Variants in BBS9 observed in about 807,000 individuals in gnomAD.
BBS9 encodes Bardet-Biedl syndrome 9, also known as protein PTHB1.
In BBS9, 89 loss-of-function variants were observed where a neutral mutation model predicts 117.7. That is an observed-to-expected ratio of 0.76 (90% CI 0.64 to 0.90). The LOEUF (loss-of-function observed/expected upper bound fraction) is 0.90, where lower values mean the gene tolerates loss of function less well. Among genes scored for constraint, BBS9 ranks in the 40% least tolerant of loss-of-function variants. The pLI is 0.00. For missense variants in BBS9, 982 were observed against 1,042.2 expected (o/e 0.94, Z 0.80); for synonymous variants, 379 against 370.9 (o/e 1.02, Z -0.25).
At chr7:33,462,002 G>C (rs1019560455) in intron 19 of BBS9, among the ~76,000 whole-genome samples, 1 of 152,070 alleles carries the variant, frequency 6.6e-6, no homozygotes, top group Non-Finnish European at 1.5e-5. Flanking sequence ...ATCTAAGGTC[G>C]TTTTAATTTC....
chr7:33,178,573 C>A (rs1032203964), intron 5 of BBS9, among the ~76,000 whole-genome samples: 3 of 152,096 alleles, frequency 2.0e-5, no homozygotes, highest in Non-Finnish European at 2.9e-5. Flanking sequence ...GTGACACTTA[C>A]CTGTGTGATT....
chr7:33,150,484 G>C (rs141173955), intron 2 of BBS9, among the ~76,000 whole-genome samples: 1 of 152,152 alleles, frequency 6.6e-6, no homozygotes, highest in African/African-American at 2.4e-5. Flanking sequence ...ACAATGTAAA[G>C]TGATACTTAA....
At chr7:33,376,062 G>T (rs939564803) in intron 17 of BBS9, among the ~76,000 whole-genome samples, 6 of 151,998 alleles carry the variant, frequency 3.9e-5, no homozygotes, top group African/African-American at 1.5e-4. Flanking sequence ...AGGGGTACAT[G>T]TGCAGGTTTG....
intron 21 of BBS9, among the ~76,000 whole-genome samples, chr7:33,571,048 A>G (rs1431263260): frequency 6.6e-6 from 1 of 152,204 alleles, no homozygotes; most frequent in Admixed American, 6.5e-5. Flanking sequence ...AGCTAACGAT[A>G]TAATACCAAT....
intron 4 of BBS9, among the ~76,000 whole-genome samples, chr7:33,165,402 T>C (rs1272633896): frequency 6.6e-6 from 1 of 152,214 alleles, no homozygotes; most frequent in African/African-American, 2.4e-5. Context: ...GAAGTTCTCC[T>C]GGATAATATC....
intron 17 of BBS9, among the ~76,000 whole-genome samples, chr7:33,376,767 T>G (rs1823976716): frequency 6.6e-6 from 1 of 152,232 alleles, no homozygotes; most frequent in African/African-American, 2.4e-5. Context: ...TATCTCATTT[T>G]GGCTTTGACT....
intron 19 of BBS9, among the ~76,000 whole-genome samples, chr7:33,458,488 T>C (rs1301489565): frequency 6.6e-6 from 1 of 152,176 alleles, no homozygotes. Context: ...ATATTAACTA[T>C]TCTGTGCCAG....
At chr7:33,342,081 G>A (rs939445884) in intron 11 of BBS9, among the ~76,000 whole-genome samples, 1 of 147,808 alleles carries the variant, frequency 6.8e-6, no homozygotes, top group Admixed American at 6.6e-5. Context: ...CATTATTTAG[G>A]TATCAGAACA....
At chr7:33,160,075 A>G (rs552511786) in intron 4 of BBS9, among the ~76,000 whole-genome samples, 2 of 152,344 alleles carry the variant, frequency 1.3e-5, no homozygotes, top group East Asian at 3.9e-4. Context: ...CTGTTTAGCC[A>G]GTAAGTAATC....
intron 5 of BBS9, among the ~76,000 whole-genome samples, chr7:33,203,317 G>A (rs1228160597): frequency 6.6e-6 from 1 of 152,142 alleles, no homozygotes; most frequent in African/African-American, 2.4e-5. Context: ...AGATTGCTGG[G>A]CCCCATTCTC....
chr7:33,243,659 G>C (rs1323083389), intron 5 of BBS9, among the ~76,000 whole-genome samples: 1 of 152,056 alleles, frequency 6.6e-6, no homozygotes, highest in Non-Finnish European at 1.5e-5. Flanking sequence ...TTTTGTGTTT[G>C]TTTTCTGAGT....
At chr7:33,276,314 T>C (rs1800760660) in intron 9 of BBS9, among the ~76,000 whole-genome samples, 1 of 152,240 alleles carries the variant, frequency 6.6e-6, no homozygotes, top group Admixed American at 6.5e-5. Flanking sequence ...GCTACAGTTA[T>C]TTAAATACCT....
chr7:33,168,936 A>G (rs1261470141), intron 4 of BBS9, among the ~76,000 whole-genome samples: 1 of 151,954 alleles, frequency 6.6e-6, no homozygotes, highest in Non-Finnish European at 1.5e-5. Flanking sequence ...CATTAGGTAT[A>G]TCTCCCAATG....
chr7:33,168,446 C>G (rs1014153717), intron 4 of BBS9, among the ~76,000 whole-genome samples: 1 of 151,966 alleles, frequency 6.6e-6, no homozygotes, highest in Non-Finnish European at 1.5e-5. Context: ...CCTTTTTTTC[C>G]TTTTTGCAGT....
chr7:33,399,063 A>G (rs1828492032), intron 19 of BBS9, among the ~76,000 whole-genome samples: 1 of 152,192 alleles, frequency 6.6e-6, no homozygotes, highest in Non-Finnish European at 1.5e-5. Context: ...GGTATTTTAT[A>G]TTTCATAGTA....
rs140607905 is a variant in BBS9, at chr7:33,500,735, T to C, written c.2116-4728T>C. Among the ~76,000 whole-genome samples the C allele has an allele frequency of 3.1e-3, 469 of 152,332 alleles. 2 individuals are homozygous for C. Among genetic ancestry groups the C allele is most frequent in the Middle Eastern group, 0.01 (3 of 294 alleles). On this transcript the variant is annotated intron_variant, in intron 19 of 22. Transcript: ENST00000242067. Reference sequence around the variant, plus strand: ...TGGACATGTCCGTGTTCACATAGTATGATGATTCATGTCTACTCTGCTGTT... The same window carrying C: ...TGGACATGTCCGTGTTCACATAGTACGATGATTCATGTCTACTCTGCTGTT...
chr7:33,383,008 G>T (rs1284398386), intron 17 of BBS9, among the ~76,000 whole-genome samples: 1 of 152,056 alleles, frequency 6.6e-6, no homozygotes, highest in Non-Finnish European at 1.5e-5. Context: ...TCTTATCATA[G>T]GTGTTATTAC....
At chr7:33,210,276 T>G (rs1158153126) in intron 5 of BBS9, among the ~76,000 whole-genome samples, 1 of 152,236 alleles carries the variant, frequency 6.6e-6, no homozygotes, top group Non-Finnish European at 1.5e-5. Flanking sequence ...TATTTCAAGT[T>G]TTTTGAATGT....
At chr7:33,606,660 C>T (rs899291107), downstream of BBS9, among the ~76,000 whole-genome samples, 9 of 152,162 alleles carry the variant, frequency 5.9e-5, no homozygotes, top group Middle Eastern at 3.4e-3. Flanking sequence ...ACCCTACTTC[C>T]CAGATTTTTT....
Sources: allele counts gnomAD v4.1 joint callset (sites outside exome capture counted in the v4.1 genomes callset), GRCh38; gene constraint gnomAD v4.1.1; transcripts MANE v1.5; gene names NCBI Gene and HGNC (gene_info 2026-07-23, HGNC 2026-07-21).